The following SPATA7 variants were observed in gnomAD, a reference collection of about 807,000 sequenced individuals.
The protein encoded by SPATA7 is spermatogenesis associated 7.
Under a neutral mutation model 51.8 loss-of-function variants are expected in SPATA7, and 43 were observed. That is an observed-to-expected ratio of 0.83 (90% CI 0.65 to 1.07). The LOEUF (loss-of-function observed/expected upper bound fraction) is 1.07. Ranked by LOEUF, SPATA7 falls within the 50% of genes least tolerant of loss-of-function variation. SPATA7 has a pLI of 0.00. For missense variants in SPATA7, 683 were observed against 701.3 expected (o/e 0.97, Z 0.30); for synonymous variants, 230 against 252.8 (o/e 0.91, Z 0.86).
chr14:88,466,187 G>C (rs909701054), intron 4 of SPATA7: 5 of 152,016 alleles, frequency 3.3e-5, no homozygotes, highest in African/African-American at 1.2e-4. Flanking sequence ...TAGTTCTACT[G>C]TTCTTTAAAC....
chr14:88,468,300 T>C, intron 4 of SPATA7: 3 of 1,558,670 alleles, frequency 1.9e-6, no homozygotes, highest in Non-Finnish European at 2.6e-6. Context: ...AGATAATGTG[T>C]TCCCCTGGGG....
chr14:88,448,620 C>G lies in SPATA7; in HGVS notation c.178-6440C>G, dbSNP rs1442118020. Reference sequence around the variant, plus strand: ...TTTTTCCCCATCTTTGTGGTTTTATCTACTTTTGGTCTTTGATGATGGTGA... The same window carrying G: ...TTTTTCCCCATCTTTGTGGTTTTATGTACTTTTGGTCTTTGATGATGGTGA... On this transcript the variant is annotated intron_variant, in intron 3 of 3. Coordinates refer to the SPATA7 transcript ENST00000554802. 9.9e-5 allele frequency among the ~76,000 whole-genome samples: 15 copies of G among 152,228 alleles called. No homozygotes were observed. The East Asian group carries it at 2.9e-3, about 29-fold the overall frequency.
intron 2 of SPATA7, 65 bp downstream of exon 2, chr14:88,391,520 A>C (rs1217950867): frequency 7.7e-7 from 1 of 1,305,258 alleles, no homozygotes; most frequent in Non-Finnish European, 1.1e-6. Flanking sequence ...TTTACTGGCA[A>C]ATTATATGAC....
intron 4 of SPATA7, among the ~76,000 whole-genome samples, chr14:88,400,534 C>G (rs1454213047): frequency 2.0e-5 from 3 of 152,098 alleles, no homozygotes; most frequent in Non-Finnish European, 2.9e-5. Context: ...AATCAGTAAT[C>G]AAAAACTTCC....
intron 4 of SPATA7, among the ~76,000 whole-genome samples, chr14:88,409,695 T>C (rs1386652409): frequency 1.3e-5 from 2 of 152,226 alleles, no homozygotes; most frequent in Non-Finnish European, 2.9e-5. Flanking sequence ...GTGTCGATTT[T>C]AGATCTTTCC....
At chr14:88,443,158 T>A (rs2077189086), downstream of SPATA7, among the ~76,000 whole-genome samples, 5 of 152,172 alleles carry the variant, frequency 3.3e-5, no homozygotes, top group Admixed American at 3.3e-4. Flanking sequence ...TTGGCCAGAC[T>A]GGTCTTGAAC....
At chr14:88,442,293 G>T (rs1030622552), downstream of SPATA7, among the ~76,000 whole-genome samples, 1 of 152,006 alleles carries the variant, frequency 6.6e-6, no homozygotes, top group South Asian at 2.1e-4. Flanking sequence ...GGGTTCAAGC[G>T]ATTCTCCGAC....
rs1024377205 is a variant in SPATA7, at chr14:88,423,485, G to A, written c.373-2747G>A. Among the ~76,000 whole-genome samples the A allele has an allele frequency of 2.6e-5, 4 of 151,524 alleles. No homozygotes were observed. The South Asian group carries it at 6.3e-4, about 24-fold the overall frequency. ...GCAGGCAGATTAATTGAGCCCAGGAGGTCGTGGCTGCAGTGAGCCATGATC... is the reference window on the plus strand; with the variant it reads ...GCAGGCAGATTAATTGAGCCCAGGAAGTCGTGGCTGCAGTGAGCCATGATC... On this transcript the variant is annotated intron_variant, in intron 5 of 11. Coordinates refer to ENST00000393545, the MANE Select transcript of SPATA7 (RefSeq NM_018418.5).
At chr14:88,397,526 C>G (rs187139152) in intron 4 of SPATA7, among the ~76,000 whole-genome samples, 4 of 151,738 alleles carry the variant, frequency 2.6e-5, no homozygotes, top group Admixed American at 2.6e-4. Flanking sequence ...AACTCTGGTC[C>G]CAGCTACTCA....
chr14:88,391,556 C>T (rs761782570), intron 2 of SPATA7, 101 bp downstream of exon 2: 22 of 965,198 alleles, frequency 2.3e-5, no homozygotes, highest in East Asian at 1.3e-4. Context: ...TTTCATTTGA[C>T]GAATATTTGA....
intron 8 of SPATA7, among the ~76,000 whole-genome samples, chr14:88,430,018 T>C (rs1165751230): frequency 6.6e-6 from 1 of 151,918 alleles, no homozygotes; most frequent in African/African-American, 2.4e-5. Flanking sequence ...ACTCATCATG[T>C]TGAGTAATTA....
chr14:88,416,536 A>C, intron 4 of SPATA7, 175 bp from the exon 5 acceptor site: 1 of 569,016 alleles, frequency 1.8e-6, no homozygotes. Context: ...GGCACATGTG[A>C]AATAAATAAT....
intron 3 of SPATA7, among the ~76,000 whole-genome samples, chr14:88,445,624 G>A (rs2077206744): frequency 6.6e-6 from 1 of 151,686 alleles, no homozygotes; most frequent in Non-Finnish European, 1.5e-5. Flanking sequence ...CTGTGGGTTT[G>A]TCATAGATAG....
chr14:88,401,103 A>G (rs2076044515), intron 4 of SPATA7, among the ~76,000 whole-genome samples: 1 of 152,210 alleles, frequency 6.6e-6, no homozygotes, highest in Non-Finnish European at 1.5e-5. Context: ...CTTCAGTAAA[A>G]TACCAGCAAA....
intron 4 of SPATA7, among the ~76,000 whole-genome samples, chr14:88,403,540 A>T (rs148638885): frequency 1.6e-4 from 24 of 152,304 alleles, no homozygotes; most frequent in Non-Finnish European, 2.2e-4. Flanking sequence ...AACCCACACC[A>T]CATAGCCTTT....
chr14:88,422,190 T>C (rs549871481), intron 5 of SPATA7, among the ~76,000 whole-genome samples: 29 of 152,248 alleles, frequency 1.9e-4, no homozygotes, highest in African/African-American at 7.0e-4. Flanking sequence ...ATCTAGTATA[T>C]TTAGTAGACA....
intron 4 of SPATA7, among the ~76,000 whole-genome samples, chr14:88,411,004 T>G (rs534709075): frequency 6.7e-6 from 1 of 150,170 alleles, no homozygotes; most frequent in South Asian, 2.1e-4. Context: ...AGGTGCTCTG[T>G]CCCAGGGAGT....
At chr14:88,447,091 G>A (rs1293083217) in intron 3 of SPATA7, among the ~76,000 whole-genome samples, 1 of 150,894 alleles carries the variant, frequency 6.6e-6, no homozygotes, top group Non-Finnish European at 1.5e-5. Context: ...GGGTGTTAAA[G>A]TCTCCCATTA....
intron 6 of SPATA7, 79 bp downstream of exon 6, chr14:88,426,783 G>A (rs768228741): frequency 1.1e-5 from 14 of 1,310,432 alleles, no homozygotes; most frequent in South Asian, 5.0e-5. Context: ...CTTGTTTTCT[G>A]CTGCCAGCCT....
Sources: gnomAD v4.1 joint callset for allele counts (sites outside exome capture counted in the v4.1 genomes callset) on GRCh38, gnomAD v4.1.1 for gene constraint, MANE v1.5 for transcripts, NCBI Gene and HGNC (gene_info 2026-07-23, HGNC 2026-07-21) for gene names.